The following TOP2A variants were observed in gnomAD, a reference collection of about 807,000 sequenced individuals.
The protein encoded by TOP2A is DNA topoisomerase 2-alpha.
TOP2A carries 68 observed loss-of-function variants against 187.2 expected under a neutral mutation model. That is an observed-to-expected ratio of 0.36 (90% CI 0.30 to 0.44). The LOEUF is 0.44. Ranked by LOEUF, TOP2A falls within the 20% of genes least tolerant of loss-of-function variation. The pLI is 1.00. For missense variants in TOP2A, 1,196 were observed against 1,808.7 expected (o/e 0.66, Z 6.14); for synonymous variants, 542 against 593.2 (o/e 0.91, Z 1.25).
At position 40,396,360 on chromosome 17, in the gene TOP2A, G is replaced by A. The variant is rs774202206; in HGVS notation, c.3643C>T (p.Arg1215Cys). Residue 1215 changes from arginine to cysteine, a missense_variant, in exon 28 of 35, where the codon CGT becomes TGT. Physicochemically the swap from Arg to Cys is radical, Grantham distance 180. Around this residue, in one of 10 missense-constraint regions of TOP2A, gnomAD observed 374 missense variants for 403.3 expected, o/e 0.93. Coordinates refer to ENST00000423485, the MANE Select transcript of TOP2A (RefSeq NM_001067.4). The part of the protein sequence containing the change: ...TQMAEVLPSP[R>C]GQRVIPRITI... ...ATTCGTGGAATGACTCTTTGACCAC[G>A]CGGAGAAGGCAAAACTTCAGCCATT... The A allele has an allele frequency of 4.4e-5, 71 of 1,613,530 alleles. No homozygotes were observed. The highest frequency in any genetic ancestry group is 1.6e-4 in the Middle Eastern group (1 of 6,084).
chr17:40,405,835 C>T (rs1469887650), intron 16 of TOP2A, among the ~76,000 whole-genome samples: 4 of 151,528 alleles, frequency 2.6e-5, no homozygotes, highest in East Asian at 1.9e-4. Context: ...GGCCTGATCT[C>T]GGCTCACTGC....
In TOP2A at chr17:40,412,980, G is replaced by A; in HGVS notation, c.577-9C>T. On this transcript the variant is annotated splice_polypyrimidine_tract_variant and intron_variant, in intron 6 of 34. Transcript: ENST00000423485. Reference sequence around the variant, plus strand: ...ATATTATCCATCCATGTCTATGGAAGTAAAGAATAGGAAACATGAAAAATT... The same window carrying A: ...ATATTATCCATCCATGTCTATGGAAATAAAGAATAGGAAACATGAAAAATT... 2 of 1,599,156 alleles carry A rather than the reference G, an allele frequency of 1.3e-6. No homozygotes were observed. The highest frequency in any genetic ancestry group is 8.5e-7 in the Non-Finnish European group (1 of 1,172,104).
intron 29 of TOP2A, among the ~76,000 whole-genome samples, chr17:40,395,050 C>T (rs997338886): frequency 6.6e-5 from 10 of 152,022 alleles, no homozygotes; most frequent in Non-Finnish European, 1.0e-4. Flanking sequence ...TTTGGGAGGC[C>T]AAGGCGGGCA....
At position 40,416,838 on chromosome 17, in the gene TOP2A, T is replaced by G; in HGVS notation, c.79A>C (p.Arg27=). Residue 27 remains arginine (R), a synonymous_variant, in exon 2 of 35, where the codon AGA becomes CGA. Coordinates refer to ENST00000423485, the MANE Select transcript of TOP2A (RefSeq NM_001067.4). ...KIKKNEDAKK[R]LSVERIYQKK... Reference sequence around the variant, plus strand: ...TGATAGATTCTTTCAACAGACAGTCTTTTCTTAGCATCTTCATTTTTCTTT... The same window carrying G: ...TGATAGATTCTTTCAACAGACAGTCGTTTCTTAGCATCTTCATTTTTCTTT... 1 of 1,611,660 alleles carries G rather than the reference T, an allele frequency of 6.2e-7. No individual in the cohort carries two copies. Among genetic ancestry groups the G allele is most frequent in the Non-Finnish European group, 8.5e-7 (1 of 1,179,062 alleles).
At position 40,390,182 on chromosome 17, in the gene TOP2A, C is replaced by T. The variant is rs770391720; in HGVS notation, c.4268-18G>A. On this transcript the variant is annotated intron_variant, in intron 33 of 34. Transcript: ENST00000423485. ...AGACTGACCTGCAATTCAATACAGG[C>T]ATTTGTCACAGCTGCTCTTTTTTTG... 1 of 1,595,814 alleles carries T rather than the reference C, an allele frequency of 6.3e-7. No homozygotes were observed. The highest frequency in any genetic ancestry group is 8.5e-7 in the Non-Finnish European group (1 of 1,171,570).
At position 40,411,435 on chromosome 17, in the gene TOP2A, A is replaced by G; in HGVS notation, c.984T>C (p.Tyr328=). The G allele has an allele frequency of 3.7e-6, 6 of 1,613,800 alleles. No individual in the cohort carries two copies. The highest frequency in any genetic ancestry group is 5.1e-6 in the Non-Finnish European group (6 of 1,179,756). ...GTTTAGTCACAATCTGATCAGCTAC[A>G]TAATCAACATGTCTGCCACCCTAAT... is the stretch of plus-strand genomic sequence containing the variant. ...ATSKGGRHVD[Y]VADQIVTKLV... is the part of the protein sequence containing the mutation. Residue 328 remains tyrosine, a synonymous_variant, in exon 9 of 35, where the codon TAT becomes TAC. Coordinates refer to ENST00000423485, the MANE Select transcript of TOP2A (RefSeq NM_001067.4). This position sits in a 1 kb window ranked among gnomAD's most constrained non-coding sequence, Gnocchi z 4.4.
chr17:40,416,394 AGATCTTTATATTAAAGGAT>A lies in TOP2A; in HGVS notation c.268+9_268+27del. The A allele has an allele frequency of 7.4e-7, 1 of 1,351,562 alleles. No homozygotes were observed. Among genetic ancestry groups the A allele is most frequent in the East Asian group, 2.4e-5 (1 of 41,546 alleles). 83.7% of individuals were successfully genotyped at this position (1,351,562 alleles called of 1,614,324 possible). Reference sequence around the variant, plus strand: ...GATACTTCTTATGAAAGATTTGACCAGATCTTTATATTAAAGGATTTACTCACCTAGAATCTCATCAAAG... The same window carrying A: ...GATACTTCTTATGAAAGATTTGACCATTACTCACCTAGAATCTCATCAAAG... On this transcript the variant is annotated intron_variant, in intron 3 of 34. Coordinates refer to ENST00000423485, the MANE Select transcript of TOP2A (RefSeq NM_001067.4).
Position 40,404,896 on chromosome 17 carries a change from G to A in TOP2A, c.1954-13C>T. The A allele has an allele frequency of 6.6e-7, 1 of 1,512,528 alleles. No homozygotes were observed. 93.7% of individuals were successfully genotyped at this position (1,512,528 alleles called of 1,614,324 possible). ...TTTTGCTAAAGGCCTATAAATTAAAGGATGAAAAGATGTCACTGGTACTAA... is the reference window on the plus strand; with the variant it reads ...TTTTGCTAAAGGCCTATAAATTAAAAGATGAAAAGATGTCACTGGTACTAA... On this transcript the variant is annotated splice_polypyrimidine_tract_variant and intron_variant, in intron 16 of 34. Coordinates refer to ENST00000423485, the MANE Select transcript of TOP2A (RefSeq NM_001067.4).
rs2035213011 is a variant in TOP2A at position 40,404,231 on chromosome 17, T to C, written c.2204A>G (p.Lys735Arg). Residue 735 changes from lysine (K) to arginine (R), a missense_variant, in exon 19 of 35, where the codon AAA (lysine) becomes AGA (arginine). Physicochemically the swap from Lys to Arg is conservative, Grantham distance 26. Transcript: ENST00000423485. The stretch of plus-strand genomic sequence containing the variant: ...CTTTACTTCTCGCTTGTCATTCCGT[T>C]TGAAGCAAGTAAACAAAACCTTTCT... ...GQRKVLFTCF[K>R]RNDKREVKVA... 3 of 1,613,748 alleles carry C rather than the reference T, an allele frequency of 1.9e-6. No individual in the cohort carries two copies. The highest frequency in any genetic ancestry group is 3.3e-5 in the Admixed American group (2 of 59,998).
At chr17:40,399,829 G>A (rs182279785) in intron 24 of TOP2A, 43 bp downstream of exon 24, 112 of 1,505,892 alleles carry the variant, frequency 7.4e-5, no homozygotes, top group African/African-American at 7.1e-4. Flanking sequence ...AAAGTTTGGC[G>A]TAACTAGAGT....
intron 10 of TOP2A, among the ~76,000 whole-genome samples, chr17:40,410,499 T>C (rs1234394627): frequency 1.3e-5 from 2 of 152,146 alleles, no homozygotes; most frequent in African/African-American, 4.8e-5. Flanking sequence ...AAGATAAAAA[T>C]GGGTGTTTTA....
intron 20 of TOP2A, 133 bp downstream of exon 20, chr17:40,402,773 C>T (rs951208504): frequency 1.1e-6 from 1 of 894,160 alleles, no homozygotes; most frequent in Admixed American, 2.8e-5. Context: ...CCTGTATAAG[C>T]CTCACCCCTG....
chr17:40,396,603 T>C (rs2035103478), intron 27 of TOP2A, 138 bp from the exon 28 acceptor site: 1 of 1,050,160 alleles, frequency 9.5e-7, no homozygotes, highest in African/African-American at 1.6e-5. Flanking sequence ...TAGTATACTA[T>C]CAACAATAGT....
chr17:40,404,220 T>C lies in TOP2A; in HGVS notation c.2215A>G (p.Lys739Glu). ...AATTGGGCAACCTTTACTTCTCGCT[T>C]GTCATTCCGTTTGAAGCAAGTAAAC... ...VLFTCFKRND[K>E]REVKVAQLAG... is the part of the protein sequence containing the mutation. Residue 739 changes from lysine (K) to glutamate (E), a missense_variant, in exon 19 of 35, where the codon AAG (lysine) becomes GAG (glutamate). By Grantham distance (56) the Lys-to-Glu change is moderately conservative. Transcript: ENST00000423485. 6.2e-7 allele frequency: 1 copy of C among 1,613,922 alleles called. No homozygotes were observed. The highest frequency in any genetic ancestry group is 8.5e-7 in the Non-Finnish European group (1 of 1,179,854).
chr17:40,391,449 A>G, intron 33 of TOP2A, 57 bp downstream of exon 33: 1 of 1,502,390 alleles, frequency 6.7e-7, no homozygotes, highest in Non-Finnish European at 8.9e-7. Flanking sequence ...TGAAATAGAC[A>G]CGTGGAAACC....
At position 40,411,269 on chromosome 17, in the gene TOP2A, GC is replaced by G; in HGVS notation, c.1066-24del. 6.2e-7 allele frequency: 1 copy of G among 1,611,974 alleles called. No homozygotes were observed. Among genetic ancestry groups the G allele is most frequent in the East Asian group, 2.2e-5 (1 of 44,822 alleles). On this transcript the variant is annotated intron_variant, in intron 9 of 34. Transcript: ENST00000423485. The surrounding 1 kb of genome is among the most constrained non-coding windows in gnomAD (Gnocchi z 4.4). The stretch of plus-strand genomic sequence containing the variant: ...CACCTGCAATAGAAGTTGATATTAA[GC>G]CACTAAAAATGTACTCATGCTTTAT...
In TOP2A at chr17:40,413,212, T is replaced by C; in HGVS notation, c.559A>G (p.Lys187Glu). 6.4e-7 allele frequency: 1 copy of C among 1,560,216 alleles called. No individual in the cohort carries two copies. Among genetic ancestry groups the C allele is most frequent in the Non-Finnish European group, 8.7e-7 (1 of 1,150,498 alleles). ...FTVETASREY[K>E]KMFKQTWMDN... Reference sequence around the variant, plus strand: ...TTACTTGCCTGTTTGAACATTTTCTTGTATTCTCTACTGGCTGTTTCCACA... The same window carrying C: ...TTACTTGCCTGTTTGAACATTTTCTCGTATTCTCTACTGGCTGTTTCCACA... Residue 187 changes from lysine (K) to glutamate (E), a missense_variant, in exon 6 of 35, where the codon AAG becomes GAG. Coordinates refer to ENST00000423485, the MANE Select transcript of TOP2A (RefSeq NM_001067.4).
chr17:40,391,668 G>T, intron 32 of TOP2A, 28 bp from the exon 33 acceptor site: 1 of 1,544,010 alleles, frequency 6.5e-7, no homozygotes. Flanking sequence ...AAGGAAAATA[G>T]TACATTTAAG....
intron 4 of TOP2A, among the ~76,000 whole-genome samples, chr17:40,414,405 C>A (rs971795862): frequency 6.6e-6 from 1 of 152,136 alleles, no homozygotes; most frequent in African/African-American, 2.4e-5. Context: ...CACTATATGG[C>A]CCAGGCTGGT....
Sources: gnomAD v4.1 joint callset for allele counts (sites outside exome capture counted in the v4.1 genomes callset) on GRCh38, gnomAD v4.1.1 for gene constraint, gnomAD v4.1.1 regional missense constraint, Gnocchi (gnomAD v3.1) non-coding constraint, MANE v1.5 for transcripts, NCBI Gene and HGNC (gene_info 2026-07-23, HGNC 2026-07-21) for gene names.